The following TFAM variants were observed in gnomAD, a reference collection of about 807,000 sequenced individuals.
TFAM encodes transcription factor A, mitochondrial.
In TFAM, 13 loss-of-function variants were observed where a neutral mutation model predicts 30.6. The observed-to-expected ratio is 0.42, with a 90% CI of 0.28 to 0.67. TFAM has a LOEUF of 0.67. Ranked by LOEUF, TFAM falls within the 30% of genes least tolerant of loss-of-function variation. The pLI is 0.21. For synonymous variants in TFAM, 106 were observed against 94.8 expected (o/e 1.12, Z -0.69); for missense variants, 231 against 293.7 (o/e 0.79, Z 1.56).
At chr10:58,392,222 C>T (rs1840610342) in intron 5 of TFAM, among the ~76,000 whole-genome samples, 1 of 152,136 alleles carries the variant, frequency 6.6e-6, no homozygotes, top group South Asian at 2.1e-4. Context: ...TTTTGCATGT[C>T]TGAAAATGTC....
intron 4 of TFAM, among the ~76,000 whole-genome samples, chr10:58,390,023 T>G (rs1234846153): frequency 6.6e-6 from 1 of 152,198 alleles, no homozygotes; most frequent in Non-Finnish European, 1.5e-5. Flanking sequence ...TATAGTAGTT[T>G]CAATACTCAG....
At chr10:58,391,546 T>A (rs867823394) in intron 5 of TFAM, among the ~76,000 whole-genome samples, 1 of 152,274 alleles carries the variant, frequency 6.6e-6, no homozygotes, top group Middle Eastern at 3.4e-3. Flanking sequence ...TATCCCTAAA[T>A]AACATTTTTA....
intron 6 of TFAM, 131 bp downstream of exon 6, chr10:58,394,545 A>T (rs770562495): frequency 1.1e-6 from 1 of 899,038 alleles, no homozygotes; most frequent in Non-Finnish European, 1.8e-6. Flanking sequence ...AATTATTTTC[A>T]TATTCTCAGA....
chr10:58,391,564 G>T (rs953157507), intron 5 of TFAM, among the ~76,000 whole-genome samples: 3 of 151,772 alleles, frequency 2.0e-5, no homozygotes, highest in Admixed American at 6.6e-5. Flanking sequence ...TTATATTGTT[G>T]CTTCTTGATT....
chr10:58,385,594 G>T lies in TFAM; in HGVS notation c.47G>T (p.Arg16Met). ...SMWGVLSALGRSGAELCTGCG... is the reference protein window; with the variant it reads ...SMWGVLSALGMSGAELCTGCG... Reference sequence around the variant, plus strand: ...TGGGGCGTGCTGAGTGCCCTGGGAAGGTCTGGAGCAGAGCTGTGCACCGGC... The same window carrying T: ...TGGGGCGTGCTGAGTGCCCTGGGAATGTCTGGAGCAGAGCTGTGCACCGGC... The change falls in exon 1 of 7, where the codon AGG becomes ATG. Residue 16 changes from arginine to methionine, a missense_variant. Physicochemically the swap from Arg to Met is moderately conservative, Grantham distance 91 (BLOSUM62 -1). Transcript: ENST00000487519. 1.3e-6 allele frequency: 2 copies of T among 1,570,798 alleles called. No individual in the cohort carries two copies. Among genetic ancestry groups the T allele is most frequent in the South Asian group, 1.2e-5 (1 of 85,296 alleles).
rs1467853333 is a variant in TFAM, at chr10:58,395,175, A to G, written c.*101A>G. The G allele has an allele frequency of 2.1e-5, 26 of 1,222,994 alleles. No individual in the cohort carries two copies. The highest frequency in any genetic ancestry group is 1.7e-4 in the Admixed American group (9 of 51,972). The allele number at this position is 1,222,994 out of a possible 1,614,324, so 75.8% of individuals were successfully genotyped here. A position where few individuals can be genotyped will look rare whatever the true frequency, so the allele number is the denominator to read the frequency against. On this transcript the variant is annotated 3_prime_UTR_variant, in exon 7 of 7. Coordinates refer to ENST00000487519, the MANE Select transcript of TFAM (RefSeq NM_003201.3). ...AAAATTAAGAAAGGATAAAGTTGGT[A>G]AACCTTTTATATTTAGTATCTTTTT...
chr10:58,386,337 A>G lies in TFAM; in HGVS notation c.219A>G (p.Pro73=). The part of the protein sequence containing the change: ...EQLPIFKAQN[P]DAKTTELIRR... The stretch of plus-strand genomic sequence containing the variant: ...TACCCATATTTAAAGCTCAGAACCC[A>G]GGTAAGGAGTTTTGGGGCATATACC... Residue 73 remains proline, a splice_region_variant and synonymous_variant, in exon 2 of 7, where the codon CCA becomes CCG. Transcript: ENST00000487519. The G allele has an allele frequency of 3.1e-6, 5 of 1,605,236 alleles. No individual in the cohort carries two copies. The highest frequency in any genetic ancestry group is 4.3e-6 in the Non-Finnish European group (5 of 1,171,984).
intron 5 of TFAM, among the ~76,000 whole-genome samples, 183 bp from the exon 6 acceptor site, chr10:58,394,175 C>T (rs1840641581): frequency 6.6e-6 from 1 of 152,096 alleles, no homozygotes; most frequent in Admixed American, 6.5e-5. Flanking sequence ...AAATATGTAC[C>T]TTCATTCAGT....
Position 58,399,040 on chromosome 10 carries a change from G to A in TFAM, c.*3966G>A, listed in dbSNP as rs968870093. The A allele has an allele frequency of 6.6e-6, 1 of 152,100 alleles. No individual in the cohort carries two copies. Among genetic ancestry groups the A allele is most frequent in the Non-Finnish European group, 1.5e-5 (1 of 68,012 alleles). 9.4% of individuals were successfully genotyped at this position (152,100 alleles called of 1,614,324 possible). ...AAAGCTAGTGTCAGTCTCTCTCATT[G>A]TTCACAAATAAAGGACTTTTGTTAA... On this transcript the variant is annotated 3_prime_UTR_variant, in exon 7 of 7. Transcript: ENST00000487519.
At chr10:58,390,915 C>T in intron 5 of TFAM, 55 bp downstream of exon 5, 2 of 1,467,240 alleles carry the variant, frequency 1.4e-6, no homozygotes, top group African/African-American at 2.8e-5. Context: ...CAGGAAAAGT[C>T]TAGAGTGCCA....
At chr10:58,387,489 A>G (rs1304087316) in intron 2 of TFAM, among the ~76,000 whole-genome samples, 1 of 152,238 alleles carries the variant, frequency 6.6e-6, no homozygotes, top group East Asian at 1.9e-4. Context: ...CTGTTATTGA[A>G]ATACGAGGCT....
rs1168764861 is a variant in TFAM at position 58,390,747 on chromosome 10, C to A, written c.442-18C>A. ...GGAGGTTAACACTATTTTTGACCCT[C>A]CAATTTTTTTAATTCAGGAGTTAAC... is the stretch of plus-strand genomic sequence containing the variant. On this transcript the variant is annotated intron_variant, in intron 4 of 6. Coordinates refer to ENST00000487519, the MANE Select transcript of TFAM (RefSeq NM_003201.3). The A allele has an allele frequency of 6.2e-7, 1 of 1,603,898 alleles. No individual in the cohort carries two copies. Among genetic ancestry groups the A allele is most frequent in the Non-Finnish European group, 8.5e-7 (1 of 1,173,318 alleles).
intron 4 of TFAM, among the ~76,000 whole-genome samples, chr10:58,390,241 G>T (rs2132355237): frequency 6.6e-6 from 1 of 152,302 alleles, no homozygotes; most frequent in African/African-American, 2.4e-5. Flanking sequence ...TAAACTGATA[G>T]TAAGGGATAC....
In TFAM at chr10:58,386,086, C is replaced by T. The variant is rs113808463; in HGVS notation, c.102-134C>T. ...TTTAGGACAGGGTTTTAATAAGTCT[C>T]TAGCATTCTTGTTGAAGGCGTTGGA... On this transcript the variant is annotated intron_variant, in intron 1 of 6. Coordinates refer to ENST00000487519, the MANE Select transcript of TFAM (RefSeq NM_003201.3). The T allele has an allele frequency of 7.4e-4, 567 of 770,342 alleles. 2 individuals carry two copies. Among genetic ancestry groups the T allele is most frequent in the South Asian group, 2.0e-3 (140 of 71,522 alleles). The allele number at this position is 770,342 out of a possible 1,614,324, so 47.7% of individuals were successfully genotyped here.
Position 58,394,918 on chromosome 10 carries a change from T to G in TFAM, c.595-10T>G, listed in dbSNP as rs904254994. 1.9e-6 allele frequency: 3 copies of G among 1,610,330 alleles called. No homozygotes were observed. The highest frequency in any genetic ancestry group is 2.5e-6 in the Non-Finnish European group (3 of 1,177,576). On this transcript the variant is annotated splice_polypyrimidine_tract_variant and intron_variant, in intron 6 of 6. Coordinates refer to ENST00000487519, the MANE Select transcript of TFAM (RefSeq NM_003201.3). ...AAGTAAATCATTTTAACAGTTATGCTTTTTCTCAGTTATATATTCAGCATG... is the reference window on the plus strand; with the variant it reads ...AAGTAAATCATTTTAACAGTTATGCGTTTTCTCAGTTATATATTCAGCATG...
At chr10:58,392,145 T>C (rs1840609103) in intron 5 of TFAM, among the ~76,000 whole-genome samples, 1 of 152,154 alleles carries the variant, frequency 6.6e-6, no homozygotes, top group South Asian at 2.1e-4. Context: ...GTTTACTTTT[T>C]TGGTTTACTC....
Position 58,395,158 on chromosome 10 carries a change from G to C in TFAM, c.*84G>C. The C allele has an allele frequency of 7.1e-7, 1 of 1,409,958 alleles. No individual in the cohort carries two copies. Among genetic ancestry groups the C allele is most frequent in the Non-Finnish European group, 9.9e-7 (1 of 1,006,456 alleles). The allele number at this position is 1,409,958 out of a possible 1,614,324, so 87.3% of individuals were successfully genotyped here. On this transcript the variant is annotated 3_prime_UTR_variant, in exon 7 of 7. Coordinates refer to ENST00000487519, the MANE Select transcript of TFAM (RefSeq NM_003201.3). ...ATACCTGAAGCTATCGTAAAATTAA[G>C]AAAGGATAAAGTTGGTAAACCTTTT...
chr10:58,391,005 T>C (rs2132356319), intron 5 of TFAM, 145 bp downstream of exon 5: 1 of 740,774 alleles, frequency 1.3e-6, no homozygotes. Flanking sequence ...GAAAAATCTT[T>C]TTTCTTACCA....
intron 5 of TFAM, among the ~76,000 whole-genome samples, chr10:58,392,497 CTTTTTT>C (rs965121643): frequency 6.7e-6 from 1 of 149,414 alleles, no homozygotes; most frequent in Non-Finnish European, 1.5e-5. Context: ...GTCTTCTTTC[CTTTTTT>C]TTTGTTTTGT....
Sources: gnomAD v4.1 joint callset for allele counts (sites outside exome capture counted in the v4.1 genomes callset) on GRCh38, gnomAD v4.1.1 for gene constraint, MANE v1.5 for transcripts, NCBI Gene and HGNC (gene_info 2026-07-23, HGNC 2026-07-21) for gene names.